Variants in CMSS1 observed in about 807,000 individuals in gnomAD.
The protein encoded by CMSS1 is protein CMSS1.
Under a neutral mutation model 43.5 loss-of-function variants are expected in CMSS1, and 33 were observed. The ratio of observed to expected loss-of-function variants is 0.76; its 90% CI spans 0.57 to 1.01. CMSS1 has a LOEUF of 1.01. Among genes scored for constraint, CMSS1 ranks in the 50% least tolerant of loss-of-function variants. The pLI, the probability that CMSS1 is intolerant of heterozygous loss-of-function variation, is 0.00. For missense variants in CMSS1, 313 were observed against 326.4 expected (o/e 0.96, Z 0.32); for synonymous variants, 115 against 117.2 (o/e 0.98, Z 0.12).
intron 1 of CMSS1, among the ~76,000 whole-genome samples, chr3:99,991,840 G>A (rs909690275): frequency 2.7e-4 from 40 of 148,742 alleles, no homozygotes; most frequent in African/African-American, 9.9e-4. Context: ...ATATATATGT[G>A]TGTGTGTGTG....
chr3:100,024,390 G>A (rs2064880935), intron 1 of CMSS1, among the ~76,000 whole-genome samples: 1 of 152,114 alleles, frequency 6.6e-6, no homozygotes, highest in South Asian at 2.1e-4. Flanking sequence ...AGAGCAGACT[G>A]TAGAAGGAAT....
At chr3:100,168,739 TG>T (rs763888525) in intron 6 of CMSS1, among the ~76,000 whole-genome samples, 10 of 151,774 alleles carry the variant, frequency 6.6e-5, no homozygotes, top group South Asian at 4.1e-4. Context: ...AGAATTGTGT[TG>T]TTTTTTTTTT....
At chr3:100,162,847 C>T (rs552199995) in intron 4 of CMSS1, among the ~76,000 whole-genome samples, 73 of 152,074 alleles carry the variant, frequency 4.8e-4, no homozygotes, top group African/African-American at 1.6e-3. Flanking sequence ...TGGTAGCACA[C>T]GCCTGTAATC....
intron 1 of CMSS1, among the ~76,000 whole-genome samples, chr3:99,958,985 TATC>T (rs944954098): frequency 6.6e-6 from 1 of 152,200 alleles, no homozygotes; most frequent in African/African-American, 2.4e-5. Context: ...AACAGCAAAT[TATC>T]ATGCCTTGGT....
chr3:100,079,924 A>G (rs1422361599), intron 1 of CMSS1, among the ~76,000 whole-genome samples: 1 of 152,172 alleles, frequency 6.6e-6, no homozygotes, highest in East Asian at 1.9e-4. Context: ...AATAATGCAT[A>G]TATGGGTAAT....
At chr3:100,067,383 G>A (rs1422767337) in intron 1 of CMSS1, among the ~76,000 whole-genome samples, 1 of 152,160 alleles carries the variant, frequency 6.6e-6, no homozygotes, top group Non-Finnish European at 1.5e-5. Flanking sequence ...AAGCACCCTG[G>A]TGAAGGTTGT....
At chr3:99,849,815 C>G in intron 1 of CMSS1, 1 of 1,612,532 alleles carries the variant, frequency 6.2e-7, no homozygotes, top group Non-Finnish European at 8.5e-7. Flanking sequence ...TTATTGTTTT[C>G]TTGGTGTAAT....
chr3:100,003,274 T>C (rs1709895071), intron 1 of CMSS1, among the ~76,000 whole-genome samples: 1 of 152,206 alleles, frequency 6.6e-6, no homozygotes, highest in Non-Finnish European at 1.5e-5. Flanking sequence ...AAGTTACACA[T>C]TGACTCAGTC....
intron 1 of CMSS1, among the ~76,000 whole-genome samples, chr3:100,138,765 A>G (rs2066777373): frequency 6.6e-6 from 1 of 152,242 alleles, no homozygotes; most frequent in South Asian, 2.1e-4. Context: ...TAGTTCAGCC[A>G]TTCTTGGAGA....
chr3:100,174,779 A>T (rs1163579125), intron 8 of CMSS1, among the ~76,000 whole-genome samples: 1 of 152,186 alleles, frequency 6.6e-6, no homozygotes, highest in Non-Finnish European at 1.5e-5. Context: ...TGACATTGGG[A>T]TGTATACAAT....
At chr3:100,112,084 A>C (rs2066501107) in intron 1 of CMSS1, among the ~76,000 whole-genome samples, 1 of 152,226 alleles carries the variant, frequency 6.6e-6, no homozygotes, top group Admixed American at 6.5e-5. Flanking sequence ...ACAAATGAGC[A>C]AACAAACTAA....
rs549231655 is a variant in CMSS1 at position 100,138,072 on chromosome 3, A to G, written c.65-8901A>G. Among the ~76,000 whole-genome samples the G allele has an allele frequency of 4.6e-5, 7 of 152,354 alleles. No individual in the cohort carries two copies. In the South Asian group the frequency reaches 1.4e-3, roughly 32 times the overall value. On this transcript the variant is annotated intron_variant, in intron 1 of 9. Coordinates refer to ENST00000421999, the MANE Select transcript of CMSS1 (RefSeq NM_032359.4). ...AACCATCTGATCTTCGACAAACCTGACAAAAACAAGCAATGGGGAAATGAT... is the reference window on the plus strand; with the variant it reads ...AACCATCTGATCTTCGACAAACCTGGCAAAAACAAGCAATGGGGAAATGAT...
intron 1 of CMSS1, among the ~76,000 whole-genome samples, chr3:99,954,004 G>C (rs1708250416): frequency 1.3e-5 from 2 of 152,320 alleles, no homozygotes; most frequent in East Asian, 3.9e-4. Context: ...CCTTATTTTT[G>C]TTGCACCCTT....
At chr3:99,995,234 C>G (rs1179887878) in intron 1 of CMSS1, among the ~76,000 whole-genome samples, 2 of 152,088 alleles carry the variant, frequency 1.3e-5, no homozygotes, top group Admixed American at 6.5e-5. Context: ...TTGGCCAAAA[C>G]AAAGGGGCTA....
At chr3:100,021,915 T>TTGTGTGTGTG (rs61704772) in intron 1 of CMSS1, among the ~76,000 whole-genome samples, 22 of 106,012 alleles carry the variant, frequency 2.1e-4, no homozygotes, top group South Asian at 7.4e-4. Context: ...CTAGATCCCA[T>TTGTGTGTGTG]TGTGTGTGTG....
At chr3:99,824,501 G>A (rs371308001) in intron 1 of CMSS1, among the ~76,000 whole-genome samples, 21 of 152,302 alleles carry the variant, frequency 1.4e-4, no homozygotes, top group African/African-American at 5.1e-4. Context: ...GCCTAGAGTA[G>A]TATCTGGATA....
In CMSS1 at chr3:100,041,949, G is replaced by A. The variant is rs549818627; in HGVS notation, c.65-105024G>A. ...AGGCACAGGCTGCACCTCAGGAACA[G>A]TGAGAACAGGGACCATTGCCATTCC... is the stretch of plus-strand genomic sequence containing the variant. On this transcript the variant is annotated intron_variant, in intron 1 of 9. Transcript: ENST00000421999. Among the ~76,000 whole-genome samples the A allele has an allele frequency of 4.2e-4, 64 of 152,316 alleles. 2 individuals carry two copies. The highest frequency in any genetic ancestry group is 3.9e-3 in the South Asian group (19 of 4,826).
intron 1 of CMSS1, among the ~76,000 whole-genome samples, chr3:99,961,253 CCT>C (rs1478584477): frequency 7.2e-5 from 11 of 152,060 alleles, no homozygotes; most frequent in Admixed American, 2.6e-4. Flanking sequence ...GGTGTTATCC[CCT>C]GTGTTGGAAT....
intron 2 of CMSS1, among the ~76,000 whole-genome samples, chr3:100,158,382 G>A (rs887942420): frequency 2.0e-5 from 3 of 152,132 alleles, no homozygotes; most frequent in African/African-American, 7.2e-5. Flanking sequence ...TGTTGGAATT[G>A]GTTTCCAGAA....
Sources: gnomAD v4.1 joint callset for allele counts (sites outside exome capture counted in the v4.1 genomes callset) on GRCh38, gnomAD v4.1.1 for gene constraint, MANE v1.5 for transcripts, NCBI Gene and HGNC (gene_info 2026-07-23, HGNC 2026-07-21) for gene names.